Variants in PHF20 observed in about 807,000 individuals in gnomAD.
PHF20 encodes the protein PHD finger protein 20.
In PHF20, 23 loss-of-function variants were observed where a neutral mutation model predicts 113.5. The observed-to-expected ratio is 0.20, with a 90% CI of 0.15 to 0.29. The LOEUF is 0.29. Among genes scored for constraint, PHF20 ranks in the 10% least tolerant of loss-of-function variants. PHF20 has a pLI of 1.00. For missense variants in PHF20, 943 were observed against 1,219.6 expected, an observed-to-expected ratio of 0.77 and a Z score of 3.38; for synonymous variants, 434 against 457.3, an observed-to-expected ratio of 0.95 and a Z score of 0.65.
intron 4 of PHF20, chr20:35,856,386 C>T (rs566436757): frequency 1.3e-5 from 2 of 152,322 alleles, no homozygotes; most frequent in East Asian, 3.9e-4. Flanking sequence ...GTTAAAAATG[C>T]ACATTCCTGT....
At chr20:35,913,633 G>C (rs765444559) in intron 11 of PHF20, among the ~76,000 whole-genome samples, 48 of 152,246 alleles carry the variant, frequency 3.2e-4, no homozygotes, top group Non-Finnish European at 6.8e-4. Context: ...GTAAGCAGAT[G>C]TGCAGGTGAA....
intron 3 of PHF20, among the ~76,000 whole-genome samples, chr20:35,843,620 T>C (rs187674035): frequency 7.9e-4 from 121 of 152,224 alleles, no homozygotes; most frequent in Non-Finnish European, 1.5e-3. Flanking sequence ...TCTTGCTCTG[T>C]TGCCCAGACG....
intron 7 of PHF20, among the ~76,000 whole-genome samples, chr20:35,870,138 A>C (rs1350982222): frequency 1.3e-5 from 2 of 151,864 alleles, no homozygotes; most frequent in Non-Finnish European, 2.9e-5. Context: ...CCCCATCTCT[A>C]CTAAAAATAT....
chr20:35,853,749 A>G (rs2042780476), intron 4 of PHF20, among the ~76,000 whole-genome samples: 1 of 146,186 alleles, frequency 6.8e-6, no homozygotes, highest in Non-Finnish European at 1.5e-5. Context: ...CGAAGACCCT[A>G]TTTCTTTCTT....
chr20:35,787,675 C>T (rs1303730725), intron 1 of PHF20, among the ~76,000 whole-genome samples: 1 of 150,082 alleles, frequency 6.7e-6, no homozygotes, highest in East Asian at 2.0e-4. Flanking sequence ...TTAGTCTAGA[C>T]GAGGTTTCAC....
intron 15 of PHF20, among the ~76,000 whole-genome samples, chr20:35,937,949 G>A (rs1013814626): frequency 2.6e-5 from 4 of 152,018 alleles, no homozygotes; most frequent in Admixed American, 2.6e-4. Flanking sequence ...TTGGCTCACT[G>A]CAAGCTCTGC....
intron 15 of PHF20, among the ~76,000 whole-genome samples, chr20:35,931,857 G>A (rs994407726): frequency 5.3e-5 from 8 of 151,756 alleles, no homozygotes; most frequent in East Asian, 2.0e-4. Flanking sequence ...AGGCTGAGGC[G>A]GGAGCATCGC....
Position 35,947,585 on chromosome 20 carries a change from C to T in PHF20, c.2997C>T (p.Asp999=). The change falls in exon 18 of 18, where the codon GAC becomes GAT. Residue 999 remains aspartate, a synonymous_variant. Transcript: ENST00000374012. ...LKHCIKQLLM[D]LGKVQQIALC... is the part of the protein sequence containing the mutation. ...ATTGTATCAAGCAGCTGCTGATGGACCTGGGCAAGGTGCAGCAGATCGCCC... is the reference window on the plus strand; with the variant it reads ...ATTGTATCAAGCAGCTGCTGATGGATCTGGGCAAGGTGCAGCAGATCGCCC... 6.2e-7 allele frequency: 1 copy of T among 1,614,056 alleles called. No individual in the cohort carries two copies. The highest frequency in any genetic ancestry group is 1.1e-5 in the South Asian group (1 of 91,080).
intron 2 of PHF20, among the ~76,000 whole-genome samples, chr20:35,822,410 G>C (rs1485054924): frequency 6.6e-6 from 1 of 150,410 alleles, no homozygotes; most frequent in African/African-American, 2.5e-5. Flanking sequence ...GGGTAACAGA[G>C]CAAGACCCTG....
At chr20:35,897,863 G>A (rs1406018971) in intron 9 of PHF20, among the ~76,000 whole-genome samples, 3 of 148,988 alleles carry the variant, frequency 2.0e-5, no homozygotes, top group African/African-American at 7.4e-5. Flanking sequence ...CACCACGCCC[G>A]GTGTTTTTTT....
chr20:35,931,953 A>G (rs2055764044), intron 15 of PHF20, among the ~76,000 whole-genome samples: 2 of 150,288 alleles, frequency 1.3e-5, no homozygotes, highest in African/African-American at 4.9e-5. Context: ...CTCCGTCTCA[A>G]AAAAAAAAAG....
intron 4 of PHF20, chr20:35,851,041 G>A (rs952306221): frequency 1.1e-5 from 4 of 351,544 alleles, no homozygotes; most frequent in East Asian, 6.4e-5. Context: ...TGATCCACCC[G>A]CCTCAGCCTC....
At chr20:35,780,106 C>G (rs4602287) in intron 1 of PHF20, among the ~76,000 whole-genome samples, 133,467 of 152,076 alleles carry the variant, frequency 0.88, 58,625 homozygotes, top group East Asian at 0.92. Context: ...CCCTCTCTCT[C>G]TAGCTAACGT....
rs1037089461 is a variant in PHF20, at chr20:35,947,717, A to G, written c.*90A>G. On this transcript the variant is annotated 3_prime_UTR_variant, in exon 18 of 18. Coordinates refer to ENST00000374012, the MANE Select transcript of PHF20 (RefSeq NM_016436.5). ...TTAAATAAATAAACCTAGCATGCTG[A>G]ATGCACGTGACACCGACTGACTTCA... 2 of 1,333,664 alleles carry G rather than the reference A, an allele frequency of 1.5e-6. No individual in the cohort carries two copies. Among genetic ancestry groups the G allele is most frequent in the Non-Finnish European group, 2.1e-6 (2 of 957,488 alleles). The allele number at this position is 1,333,664 out of a possible 1,614,324, so 82.6% of individuals were successfully genotyped here. A position where few individuals can be genotyped will look rare whatever the true frequency, so the allele number is the denominator to read the frequency against.
intron 1 of PHF20, chr20:35,782,273 C>A (rs949182521): frequency 8.2e-6 from 1 of 122,016 alleles, no homozygotes; most frequent in Non-Finnish European, 1.8e-5. Context: ...TTTTTTTTTT[C>A]TTTTTTTCTT....
At chr20:35,810,854 G>A in intron 2 of PHF20, among the ~76,000 whole-genome samples, 1 of 152,080 alleles carries the variant, frequency 6.6e-6, no homozygotes, top group East Asian at 1.9e-4. Flanking sequence ...AAACAATGGA[G>A]CGTTTGTTTT....
chr20:35,826,011 T>C (rs2042254743), intron 2 of PHF20, among the ~76,000 whole-genome samples: 1 of 152,142 alleles, frequency 6.6e-6, no homozygotes, highest in African/African-American at 2.4e-5. Flanking sequence ...AGAGAATTAC[T>C]GTTTAATACC....
intron 10 of PHF20, among the ~76,000 whole-genome samples, chr20:35,909,298 G>A (rs2061353010): frequency 6.6e-6 from 1 of 151,474 alleles, no homozygotes; most frequent in Non-Finnish European, 1.5e-5. Context: ...TGCACCAACT[G>A]AATAGAATGT....
At chr20:35,797,346 C>T (rs533761386) in intron 1 of PHF20, among the ~76,000 whole-genome samples, 1 of 151,782 alleles carries the variant, frequency 6.6e-6, no homozygotes, top group African/African-American at 2.4e-5. Context: ...AACTCTGTCT[C>T]TACTAAAAAT....
Sources: gnomAD v4.1 joint callset for allele counts (sites outside exome capture counted in the v4.1 genomes callset) on GRCh38, gnomAD v4.1.1 for gene constraint, MANE v1.5 for transcripts, NCBI Gene and HGNC (gene_info 2026-07-23, HGNC 2026-07-21) for gene names.